ERC2: variants seen among roughly 807,000 people sequenced by gnomAD.
ERC2 encodes ELKS/RAB6-interacting/CAST family member 2.
In ERC2, 42 loss-of-function variants were observed where a neutral mutation model predicts 114.8. The observed-to-expected ratio is 0.37, with a 90% CI of 0.29 to 0.47. ERC2 has a LOEUF of 0.47. Among genes scored for constraint, ERC2 ranks in the 20% least tolerant of loss-of-function variants. ERC2 has a pLI of 0.99. For missense variants in ERC2, 939 were observed against 1,150.7 expected, an observed-to-expected ratio of 0.82 and a Z score of 2.66; for synonymous variants, 454 against 425.5, an observed-to-expected ratio of 1.07 and a Z score of -0.82.
chr3:56,311,235 CTCTCTCTCTCTCTCTCTCTCTA>C (rs1260141691), intron 2 of ERC2, among the ~76,000 whole-genome samples: 10 of 15,962 alleles, frequency 6.3e-4, no homozygotes, highest in Admixed American at 3.6e-3. Context: ...ATCATCTTCT[CTCTCTCTCTCTCTCTCTCTCTA>C]TATATATATA....
intron 4 of ERC2, among the ~76,000 whole-genome samples, chr3:56,150,057 T>G (rs2081339959): frequency 6.6e-6 from 1 of 152,202 alleles, no homozygotes; most frequent in Non-Finnish European, 1.5e-5. Flanking sequence ...CATCGAAAAC[T>G]GACTTCAAGT....
chr3:56,067,156 T>G (rs1428249373), intron 7 of ERC2, among the ~76,000 whole-genome samples: 1 of 152,226 alleles, frequency 6.6e-6, no homozygotes, highest in Non-Finnish European at 1.5e-5. Flanking sequence ...AGCATGGCCA[T>G]TTTCACAATA....
intron 14 of ERC2, among the ~76,000 whole-genome samples, chr3:55,857,045 A>G (rs2061818523): frequency 6.7e-6 from 1 of 149,234 alleles, no homozygotes; most frequent in Non-Finnish European, 1.5e-5. Flanking sequence ...CTTAATGAGT[A>G]TGAGTATTTT....
intron 4 of ERC2, among the ~76,000 whole-genome samples, chr3:56,150,141 G>A (rs1225219758): frequency 6.6e-6 from 1 of 152,116 alleles, no homozygotes; most frequent in Non-Finnish European, 1.5e-5. Context: ...ATAACTGAAT[G>A]CTAATACAGA....
intron 14 of ERC2, among the ~76,000 whole-genome samples, chr3:55,772,074 A>G (rs1277004280): frequency 2.7e-5 from 4 of 147,420 alleles, no homozygotes; most frequent in Non-Finnish European, 4.6e-5. Flanking sequence ...TCCATGCCCA[A>G]AGGTTAGTAT....
intron 5 of ERC2, among the ~76,000 whole-genome samples, chr3:56,147,849 C>T (rs570641312): frequency 4.6e-5 from 7 of 152,194 alleles, no homozygotes; most frequent in East Asian, 1.9e-4. Context: ...TTGGGCTATT[C>T]GTAAATTTAA....
At chr3:55,687,885 G>C (rs1406070594) in intron 16 of ERC2, among the ~76,000 whole-genome samples, 1 of 152,194 alleles carries the variant, frequency 6.6e-6, no homozygotes, top group African/African-American at 2.4e-5. Flanking sequence ...AAAACAATAG[G>C]CTTAGGCATG....
intron 17 of ERC2, among the ~76,000 whole-genome samples, chr3:55,667,661 C>T (rs181196773): frequency 1.3e-4 from 20 of 152,284 alleles, no homozygotes; most frequent in Non-Finnish European, 2.6e-4. Context: ...GCAATTACAC[C>T]GTGCCCAGCA....
chr3:55,542,643 CTTTCATGAAAAAATG>C (rs2054474907), intron 17 of ERC2, among the ~76,000 whole-genome samples: 1 of 152,172 alleles, frequency 6.6e-6, no homozygotes, highest in African/African-American at 2.4e-5. Context: ...TGGGACAGAT[CTTTCATGAAAAAATG>C]AAGAGCTTTG....
intron 4 of ERC2, among the ~76,000 whole-genome samples, chr3:56,150,289 C>T (rs920260056): frequency 6.6e-6 from 1 of 152,066 alleles, no homozygotes; most frequent in Non-Finnish European, 1.5e-5. Flanking sequence ...TGTGTCTGTC[C>T]TGATTTTGTG....
chr3:56,311,087 T>C (rs2056509179), intron 2 of ERC2, among the ~76,000 whole-genome samples: 2 of 151,506 alleles, frequency 1.3e-5, no homozygotes, highest in Non-Finnish European at 2.9e-5. Context: ...GGTCATTCAC[T>C]CATTGATTTA....
intron 17 of ERC2, among the ~76,000 whole-genome samples, chr3:55,565,110 G>GT (rs2056283744): frequency 6.6e-6 from 1 of 152,122 alleles, no homozygotes; most frequent in South Asian, 2.1e-4. Flanking sequence ...TGATGACATT[G>GT]TAACACCCAT....
At chr3:55,850,305 C>T (rs149982218) in intron 14 of ERC2, among the ~76,000 whole-genome samples, 2,334 of 152,284 alleles carry the variant, frequency 0.015, 26 homozygotes, top group Middle Eastern at 0.027. Context: ...TTCTGAGGTT[C>T]CAGGTGGACA....
At chr3:55,640,075 C>T (rs527448223) in intron 17 of ERC2, among the ~76,000 whole-genome samples, 1 of 152,162 alleles carries the variant, frequency 6.6e-6, no homozygotes, top group Non-Finnish European at 1.5e-5. Flanking sequence ...TTGAAAGATG[C>T]CACAATTCAC....
chr3:55,811,362 T>G (rs971556696), intron 14 of ERC2, among the ~76,000 whole-genome samples: 2 of 152,208 alleles, frequency 1.3e-5, no homozygotes, highest in African/African-American at 4.8e-5. Context: ...TCAAGTGGTC[T>G]TCACAGTACC....
intron 12 of ERC2, among the ~76,000 whole-genome samples, chr3:55,952,524 A>G (rs1307879899): frequency 6.6e-6 from 1 of 152,128 alleles, no homozygotes; most frequent in Non-Finnish European, 1.5e-5. Context: ...TCCAAAGCCC[A>G]TGCTAACCTA....
At chr3:56,257,583 G>T (rs1319638580) in intron 3 of ERC2, among the ~76,000 whole-genome samples, 1 of 152,176 alleles carries the variant, frequency 6.6e-6, no homozygotes, top group Non-Finnish European at 1.5e-5. Context: ...ATGGCATCAC[G>T]TTCAAGGCCA....
chr3:56,105,880 C>T (rs1288872398), intron 6 of ERC2, among the ~76,000 whole-genome samples: 1 of 152,148 alleles, frequency 6.6e-6, no homozygotes, highest in Non-Finnish European at 1.5e-5. Context: ...CTGGTAGTCT[C>T]ATGAAGAAAT....
At chr3:56,351,331 C>T (rs2058545041) in intron 2 of ERC2, among the ~76,000 whole-genome samples, 1 of 151,920 alleles carries the variant, frequency 6.6e-6, no homozygotes, top group South Asian at 2.1e-4. Context: ...AATAACTGAC[C>T]ATTTGTACGC....
Sources: gnomAD v4.1 joint callset for allele counts (sites outside exome capture counted in the v4.1 genomes callset) on GRCh38, gnomAD v4.1.1 for gene constraint, MANE v1.5 for transcripts, NCBI Gene and HGNC (gene_info 2026-07-23, HGNC 2026-07-21) for gene names.